Variants in TCF20 observed in about 807,000 individuals in gnomAD.
TCF20 encodes SPRE-binding protein.
Under a neutral mutation model 148.6 loss-of-function variants are expected in TCF20, and 3 were observed. The ratio of observed to expected loss-of-function variants is 0.02; its 90% CI spans 0.01 to 0.05. The LOEUF (loss-of-function observed/expected upper bound fraction) is 0.05, where lower values mean the gene tolerates loss of function less well. Among genes scored for constraint, TCF20 ranks in the 10% least tolerant of loss-of-function variants. TCF20 has a pLI of 1.00. For synonymous variants in TCF20, 1,049 were observed against 909.5 expected (o/e 1.15, Z -2.76); for missense variants, 2,350 against 2,429.3 (o/e 0.97, Z 0.69).
chr22:42,184,013 C>T (rs1201007537), intron 2 of TCF20, among the ~76,000 whole-genome samples: 1 of 152,110 alleles, frequency 6.6e-6, no homozygotes, highest in Non-Finnish European at 1.5e-5. Context: ...AGGTGATCTG[C>T]CCACCTCAGC....
chr22:42,323,866 GTGGTGGTGGTGGTGGTGA>G (rs1927783286), intron 1 of TCF20, among the ~76,000 whole-genome samples: 2 of 129,956 alleles, frequency 1.5e-5, no homozygotes, highest in Admixed American at 8.2e-5. Context: ...GGTTATGGTG[GTGGTGGTGGTGGTGGTGA>G]TGGAGGTTAT....
chr22:42,325,861 G>C (rs755794683), intron 1 of TCF20, among the ~76,000 whole-genome samples: 13 of 152,198 alleles, frequency 8.5e-5, no homozygotes, highest in East Asian at 1.9e-4. Context: ...TGTCAAAAGT[G>C]GGGGTCAGGG....
intron 1 of TCF20, among the ~76,000 whole-genome samples, chr22:42,289,187 G>C (rs1927088852): frequency 6.6e-6 from 1 of 152,196 alleles, no homozygotes; most frequent in Non-Finnish European, 1.5e-5. Context: ...CAGAACAGCA[G>C]ATCTTAAAAC....
At chr22:42,309,278 C>A (rs1280033154) in intron 1 of TCF20, among the ~76,000 whole-genome samples, 1 of 152,130 alleles carries the variant, frequency 6.6e-6, no homozygotes, top group Non-Finnish European at 1.5e-5. Flanking sequence ...ATGCCAGGAG[C>A]CCCCGCCTGC....
chr22:42,262,536 C>T (rs1926085182), intron 1 of TCF20, among the ~76,000 whole-genome samples: 1 of 152,014 alleles, frequency 6.6e-6, no homozygotes, highest in Non-Finnish European at 1.5e-5. Flanking sequence ...CTGTGTCGAG[C>T]AGGAGTTGAA....
At chr22:42,202,684 C>A (rs1028934242) in intron 2 of TCF20, among the ~76,000 whole-genome samples, 1 of 152,186 alleles carries the variant, frequency 6.6e-6, no homozygotes, top group African/African-American at 2.4e-5. Context: ...TTGGCCTTGG[C>A]TTGGGGTGCG....
chr22:42,307,994 G>C (rs775339227), intron 1 of TCF20, among the ~76,000 whole-genome samples: 5 of 152,244 alleles, frequency 3.3e-5, no homozygotes, highest in Admixed American at 6.5e-5. Context: ...CAGGCTATTA[G>C]AATGAGTTAA....
At chr22:42,263,245 C>A (rs558986271) in intron 1 of TCF20, among the ~76,000 whole-genome samples, 3 of 152,278 alleles carry the variant, frequency 2.0e-5, no homozygotes, top group South Asian at 2.1e-4. Context: ...GCAATAATAT[C>A]CTCTCACATC....
intron 3 of TCF20, among the ~76,000 whole-genome samples, chr22:42,174,838 A>G (rs531882707): frequency 6.6e-5 from 10 of 152,044 alleles, no homozygotes; most frequent in Non-Finnish European, 1.2e-4. Flanking sequence ...GATCGAGACC[A>G]TCCCGGCTAA....
At position 42,211,310 on chromosome 22, in the gene TCF20, G is replaced by C; in HGVS notation, c.3996C>G (p.Thr1332=). ...SPDSRNCPAV[T]LTSPAKTKIL... ...TTTTGGTCTTAGCAGGGCTTGTGAGGGTAACAGCAGGGCAGTTTCTACTAT... is the reference window on the plus strand; with the variant it reads ...TTTTGGTCTTAGCAGGGCTTGTGAGCGTAACAGCAGGGCAGTTTCTACTAT... Residue 1332 remains threonine, a synonymous_variant, in exon 2 of 6, where the codon ACC becomes ACG. Transcript: ENST00000677622. 1.9e-6 allele frequency: 3 copies of C among 1,614,194 alleles called. No individual in the cohort carries two copies. The highest frequency in any genetic ancestry group is 1.7e-6 in the Non-Finnish European group (2 of 1,180,050).
At chr22:42,161,580 G>A (rs1935463101) in intron 5 of TCF20, among the ~76,000 whole-genome samples, 1 of 152,210 alleles carries the variant, frequency 6.6e-6, no homozygotes. Context: ...CCTAGTGGGG[G>A]TGCTGGGGTT....
chr22:42,237,189 C>T (rs1923964263), intron 1 of TCF20, among the ~76,000 whole-genome samples: 1 of 152,178 alleles, frequency 6.6e-6, no homozygotes, highest in Non-Finnish European at 1.5e-5. Context: ...TCTCTTCAAC[C>T]CCGCCACTGC....
Position 42,211,788 on chromosome 22 carries a change from T to C in TCF20, c.3518A>G (p.Lys1173Arg). The C allele has an allele frequency of 6.2e-7, 1 of 1,614,188 alleles. No homozygotes were observed. Among genetic ancestry groups the C allele is most frequent in the Non-Finnish European group, 8.5e-7 (1 of 1,180,034 alleles). Residue 1173 changes from lysine (K) to arginine (R), a missense_variant, in exon 2 of 6, where the codon AAG becomes AGG. Lys to Arg is a conservative substitution (Grantham distance 26). Around this residue, in one of 7 missense-constraint regions of TCF20, gnomAD observed 1,641 missense variants for 1,662.6 expected, o/e 0.99. Transcript: ENST00000677622. ...GGAGCCATGCTTTAATTCCATGCCC[T>C]TGTTAGGCAGACCATCACTAGACAT... ...CLMSSDGLPN[K>R]GMELKHGSQK...
chr22:42,336,094 C>T (rs1928062719), intron 1 of TCF20, among the ~76,000 whole-genome samples: 1 of 152,228 alleles, frequency 6.6e-6, no homozygotes, highest in Non-Finnish European at 1.5e-5. Flanking sequence ...CGCCAAAAAA[C>T]AGAGCAGGTT....
In TCF20 at chr22:42,290,638, G is replaced by A. The variant is rs547949557; in HGVS notation, c.-37+52841C>T. Among the ~76,000 whole-genome samples the A allele has an allele frequency of 6.6e-6, 1 of 152,290 alleles. No individual in the cohort carries two copies. Among genetic ancestry groups the A allele is most frequent in the East Asian group, 1.9e-4 (1 of 5,160 alleles). On this transcript the variant is annotated intron_variant, in intron 1 of 1. Transcript: ENST00000515426. The surrounding 1 kb of genome is among the most constrained non-coding windows in gnomAD (Gnocchi z 4.2). ...TCTGGAGGGTACCAGAGGAGAAGGA[G>A]CGCGTGCCCCTGAGCCCACTCGCTG...
upstream of TCF20, among the ~76,000 whole-genome samples, chr22:42,285,555 C>T (rs17002938): frequency 2.0e-3 from 309 of 152,280 alleles, 6 homozygotes; most frequent in East Asian, 0.038. This position sits in a 1 kb window ranked among gnomAD's most constrained non-coding sequence, Gnocchi z 4.2. Flanking sequence ...TCAAAGACTG[C>T]AACTGGAAAT....
At chr22:42,261,133 C>T (rs1011989748) in intron 1 of TCF20, among the ~76,000 whole-genome samples, 1 of 152,172 alleles carries the variant, frequency 6.6e-6, no homozygotes, top group African/African-American at 2.4e-5. Context: ...TGGTTTTTCA[C>T]TGAGCATATT....
chr22:42,194,589 G>A (rs551680235), intron 2 of TCF20, among the ~76,000 whole-genome samples: 1 of 152,004 alleles, frequency 6.6e-6, no homozygotes, highest in Non-Finnish European at 1.5e-5. Flanking sequence ...CTTCTGCCTG[G>A]GAGAGTGTGG....
At chr22:42,201,077 G>C (rs1232066125) in intron 2 of TCF20, among the ~76,000 whole-genome samples, 1 of 152,168 alleles carries the variant, frequency 6.6e-6, no homozygotes, top group Non-Finnish European at 1.5e-5. Flanking sequence ...CTGGTTGTTT[G>C]AAAGTGTGCA....
Sources: gnomAD v4.1 joint callset for allele counts (sites outside exome capture counted in the v4.1 genomes callset) on GRCh38, gnomAD v4.1.1 for gene constraint, gnomAD v4.1.1 regional missense constraint, Gnocchi (gnomAD v3.1) non-coding constraint, MANE v1.5 for transcripts, NCBI Gene and HGNC (gene_info 2026-07-23, HGNC 2026-07-21) for gene names.